Variants in IPPK observed in about 807,000 individuals in gnomAD.
The protein encoded by IPPK is IPK1 homolog.
A neutral mutation model predicts 64.6 loss-of-function variants in IPPK; 22 were observed. The observed-to-expected ratio is 0.34, with a 90% confidence interval of 0.24 to 0.49. The LOEUF is 0.49. Among genes scored for constraint, IPPK ranks in the 20% least tolerant of loss-of-function variants. The pLI is 0.99. For missense variants in IPPK, 532 were observed against 630.7 expected, an observed-to-expected ratio of 0.84 and a Z score of 1.68; for synonymous variants, 262 against 247.2, an observed-to-expected ratio of 1.06 and a Z score of -0.56.
intron 1 of IPPK, among the ~76,000 whole-genome samples, chr9:92,663,913 A>C (rs771764410): frequency 2.6e-5 from 4 of 152,246 alleles, no homozygotes; most frequent in Non-Finnish European, 4.4e-5. Flanking sequence ...CAACAGCAGC[A>C]GGGGTCACCC....
intron 7 of IPPK, among the ~76,000 whole-genome samples, 162 bp from the exon 8 acceptor site, chr9:92,640,944 C>T (rs899003751): frequency 2.6e-5 from 4 of 152,214 alleles, no homozygotes; most frequent in Admixed American, 2.6e-4. Flanking sequence ...CCCCTCACTA[C>T]AGCCCCACCA....
intron 3 of IPPK, among the ~76,000 whole-genome samples, chr9:92,653,793 G>C (rs867435068): frequency 6.6e-6 from 1 of 152,182 alleles, no homozygotes. Flanking sequence ...AGGTTGCAGT[G>C]AGCTGAGATC....
intron 11 of IPPK, among the ~76,000 whole-genome samples, chr9:92,629,489 C>T (rs921321564): frequency 6.6e-6 from 1 of 151,992 alleles, no homozygotes; most frequent in African/African-American, 2.4e-5. Context: ...CGGTGGCTCA[C>T]ACCTGTAATC....
intron 11 of IPPK, among the ~76,000 whole-genome samples, chr9:92,620,843 T>C (rs1378309383): frequency 6.6e-6 from 1 of 152,178 alleles, no homozygotes; most frequent in East Asian, 1.9e-4. Flanking sequence ...CAAAAGTTGA[T>C]TCTTAGGAAA....
intron 1 of IPPK, among the ~76,000 whole-genome samples, chr9:92,668,540 G>A (rs1852651618): frequency 6.6e-6 from 1 of 152,152 alleles, no homozygotes; most frequent in Non-Finnish European, 1.5e-5. Context: ...AAAAGTCTTA[G>A]GTTTACCTAA....
intron 11 of IPPK, among the ~76,000 whole-genome samples, chr9:92,621,423 A>T (rs1365812203): frequency 6.6e-6 from 1 of 152,128 alleles, no homozygotes; most frequent in Non-Finnish European, 1.5e-5. Context: ...TAAAATTTGA[A>T]ACTTTCCTAC....
chr9:92,625,725 G>A (rs1405149919), intron 11 of IPPK, among the ~76,000 whole-genome samples: 1 of 152,170 alleles, frequency 6.6e-6, no homozygotes, highest in Non-Finnish European at 1.5e-5. Flanking sequence ...TATCAGCACT[G>A]ATTCTAGGAA....
intron 3 of IPPK, among the ~76,000 whole-genome samples, chr9:92,656,159 T>C (rs1011984004): frequency 4.6e-5 from 7 of 152,242 alleles, no homozygotes; most frequent in Admixed American, 1.3e-4. Context: ...AGCAATGCCA[T>C]TGCTTGAGGG....
chr9:92,634,669 C>G (rs1377840303), intron 10 of IPPK, among the ~76,000 whole-genome samples, 181 bp from the exon 11 acceptor site: 1 of 152,194 alleles, frequency 6.6e-6, no homozygotes, highest in African/African-American at 2.4e-5. Context: ...TCAGCAAGAC[C>G]AGAACCAGCG....
intron 6 of IPPK, among the ~76,000 whole-genome samples, chr9:92,647,051 T>G (rs1467805602): frequency 6.6e-6 from 1 of 151,904 alleles, no homozygotes; most frequent in African/African-American, 2.4e-5. Flanking sequence ...CTTTGAAAGA[T>G]CAACAAATAT....
At position 92,617,710 on chromosome 9, in the gene IPPK, G is replaced by A. The variant is rs182924608; in HGVS notation, c.1251-1653C>T. The A allele has an allele frequency of 3.7e-4, 59 of 157,968 alleles. 1 individual carries two copies. The highest frequency in any genetic ancestry group is 5.6e-4 in the Non-Finnish European group (40 of 71,602). The allele number at this position is 157,968 out of a possible 1,614,324, so 9.8% of individuals were successfully genotyped here. A position where few individuals can be genotyped will look rare whatever the true frequency, so the allele number is the denominator to read the frequency against. On this transcript the variant is annotated intron_variant, in intron 12 of 12. Transcript: ENST00000287996. ...GACCAGCAGCCTCCAAGGGTGCTGG[G>A]GATCGGGGTGGAGAAGCCAAGGCCG...
chr9:92,619,763 C>T (rs886641318), intron 11 of IPPK, 198 bp from the exon 12 acceptor site: 33 of 596,206 alleles, frequency 5.5e-5, no homozygotes, highest in Middle Eastern at 8.9e-4. Context: ...CTCAGTGCCA[C>T]GGGGCTGCTC....
intron 3 of IPPK, 27 bp from the exon 4 acceptor site, chr9:92,652,666 GTGTGAATTGCACAATGACATGAACAC>G: frequency 7.4e-7 from 1 of 1,347,924 alleles, no homozygotes; most frequent in Non-Finnish European, 1.0e-6. Flanking sequence ...GAAATTCTCA[GTGTGAATTGCACAATGACATGAACAC>G]AATGCCACAG....
At chr9:92,617,623 G>C (rs1413365893) in intron 12 of IPPK, 1 of 154,230 alleles carries the variant, frequency 6.5e-6, no homozygotes, top group African/African-American at 2.4e-5. Flanking sequence ...CTGGCTGCAG[G>C]GGGGCAGCCC....
At chr9:92,619,712 G>A (rs41266681) in intron 11 of IPPK, 147 bp from the exon 12 acceptor site, 12,016 of 716,204 alleles carry the variant, frequency 0.017, 162 homozygotes, top group South Asian at 0.034. Flanking sequence ...CGGTGAGCAC[G>A]GGCGTCAGGA....
intron 1 of IPPK, among the ~76,000 whole-genome samples, chr9:92,661,507 G>A (rs929342462): frequency 6.6e-6 from 1 of 152,098 alleles, no homozygotes; most frequent in Non-Finnish European, 1.5e-5. Context: ...CCTCCCACTC[G>A]GCCCTCCCAG....
At chr9:92,659,390 A>AT (rs1369525070) in intron 1 of IPPK, among the ~76,000 whole-genome samples, 1 of 152,272 alleles carries the variant, frequency 6.6e-6, no homozygotes, top group Non-Finnish European at 1.5e-5. Flanking sequence ...TTTAAATAAA[A>AT]TAAGTATTGA....
Position 92,658,685 on chromosome 9 carries a change from T to C in IPPK, c.82-4A>G, listed in dbSNP as rs377362158. The C allele has an allele frequency of 8.1e-6, 13 of 1,613,608 alleles. No homozygotes were observed. The highest frequency in any genetic ancestry group is 1.0e-5 in the Non-Finnish European group (12 of 1,179,754). ...GAAACCGCAGCACGACGCAGCGCTG[T>C]TGGAAAATAAAACAAATCTGATTAG... is the stretch of plus-strand genomic sequence containing the variant. On this transcript the variant is annotated splice_region_variant and splice_polypyrimidine_tract_variant and intron_variant, in intron 1 of 12. Transcript: ENST00000287996.
chr9:92,639,176 G>A (rs1270885321), intron 8 of IPPK, among the ~76,000 whole-genome samples: 1 of 152,124 alleles, frequency 6.6e-6, no homozygotes, highest in Non-Finnish European at 1.5e-5. Flanking sequence ...AGGCTCCCAA[G>A]TAGCTGAGAA....
Sources: gnomAD v4.1 joint callset for allele counts (sites outside exome capture counted in the v4.1 genomes callset) on GRCh38, gnomAD v4.1.1 for gene constraint, MANE v1.5 for transcripts, NCBI Gene and HGNC (gene_info 2026-07-23, HGNC 2026-07-21) for gene names.